Variants in SLC5A6 observed in about 807,000 individuals in gnomAD.
SLC5A6 encodes sodium-dependent multivitamin transporter.
A neutral mutation model predicts 67.9 loss-of-function variants in SLC5A6; 31 were observed. The observed-to-expected ratio is 0.46, with a 90% CI of 0.34 to 0.62. SLC5A6 has a LOEUF of 0.62. SLC5A6 is among the 20% of genes least tolerant of loss of function. SLC5A6 has a pLI of 0.01. For missense variants in SLC5A6, 673 were observed against 812.8 expected (o/e 0.83, Z 2.09); for synonymous variants, 343 against 331.0 (o/e 1.04, Z -0.39).
In SLC5A6 at chr2:27,200,690, C is replaced by T. The variant is rs147798014; in HGVS notation, c.1765-111G>A. 3.9e-3 allele frequency: 3,735 copies of T among 948,826 alleles called. 43 individuals carry two copies. Among genetic ancestry groups the T allele is most frequent in the African/African-American group, 0.022 (1,305 of 58,442 alleles). 58.8% of individuals were successfully genotyped at this position (948,826 alleles called of 1,614,324 possible). On this transcript the variant is annotated intron_variant, in intron 16 of 16. Transcript: ENST00000310574. ...GAAGGGAGCCCAGCAAGGCTGGGTT[C>T]GGGAGGGAGAGCAGGGGGAAAAGAG... is the stretch of plus-strand genomic sequence containing the variant.
intron 2 of SLC5A6, among the ~76,000 whole-genome samples, chr2:27,211,176 C>T (rs780393392): frequency 1.3e-5 from 2 of 152,244 alleles, no homozygotes; most frequent in African/African-American, 2.4e-5. Context: ...GCCTATAATT[C>T]CTCAAGGTGT....
intron 1 of SLC5A6, chr2:27,211,742 T>G (rs897785335): frequency 1.2e-5 from 2 of 166,478 alleles, no homozygotes; most frequent in African/African-American, 4.8e-5. Context: ...CGCTTCCCTC[T>G]ACGCGGCGGA....
At position 27,200,274 on chromosome 2, in the gene SLC5A6, T is replaced by C; in HGVS notation, c.*162A>G. 3 of 584,570 alleles carry C rather than the reference T, an allele frequency of 5.1e-6. No homozygotes were observed. Among genetic ancestry groups the C allele is most frequent in the Non-Finnish European group, 8.3e-6 (3 of 360,486 alleles). The allele number at this position is 584,570 out of a possible 1,614,324, so 36.2% of individuals were successfully genotyped here. On this transcript the variant is annotated 3_prime_UTR_variant, in exon 17 of 17. Coordinates refer to ENST00000310574, the MANE Select transcript of SLC5A6 (RefSeq NM_021095.4). ...CCTCACATGCTTGAGATGTGACAGC[T>C]TCTCCTGCAGGCAAGAACCTCTCAG...
rs1286227497 is a variant in SLC5A6, at chr2:27,207,790, G to C, written c.-140C>G. On this transcript the variant is annotated splice_region_variant and 5_prime_UTR_variant, in exon 3 of 17. Coordinates refer to ENST00000310574, the MANE Select transcript of SLC5A6 (RefSeq NM_021095.4). This position sits in a 1 kb window ranked among gnomAD's most constrained non-coding sequence, Gnocchi z 5.5. ...CACGGAGTGATACTGTCCAGGGTGA[G>C]CTGCAAAGGAATTAGCTCTTAGTGA... 5 of 781,372 alleles carry C rather than the reference G, an allele frequency of 6.4e-6. No homozygotes were observed. In the East Asian group the frequency reaches 8.0e-5, roughly 12 times the overall value. 48.4% of individuals were successfully genotyped at this position (781,372 alleles called of 1,614,324 possible). A position where few individuals can be genotyped will look rare whatever the true frequency, so the allele number is the denominator to read the frequency against.
intron 1 of SLC5A6, 68 bp downstream of exon 1, chr2:27,211,952 G>A (rs183169704): frequency 0.049 from 23,289 of 478,990 alleles, 912 homozygotes; most frequent in African/African-American, 0.082. Flanking sequence ...GCCCTGGCCG[G>A]GAGCCCGCGG....
In SLC5A6 at chr2:27,202,792, C is replaced by T. The variant is rs771000429; in HGVS notation, c.1275+21G>A. On this transcript the variant is annotated intron_variant, in intron 12 of 16. Coordinates refer to ENST00000310574, the MANE Select transcript of SLC5A6 (RefSeq NM_021095.4). ...TTCCTTCTCTCCCTTAAAATTGCTT[C>T]CTACCCTCTATAGTTATTACCTGCA... is the stretch of plus-strand genomic sequence containing the variant. 6.8e-6 allele frequency: 11 copies of T among 1,607,240 alleles called. No individual in the cohort carries two copies. The South Asian group carries it at 1.1e-4, about 16-fold the overall frequency.
At chr2:27,209,735 C>T (rs542304503) in intron 2 of SLC5A6, among the ~76,000 whole-genome samples, 1 of 152,290 alleles carries the variant, frequency 6.6e-6, no homozygotes, top group African/African-American at 2.4e-5. Flanking sequence ...GCTGCCTTTC[C>T]GCTCTCCCAC....
chr2:27,212,626 CACGTCGTGCA>C, upstream of SLC5A6: 1 of 1,414,632 alleles, frequency 7.1e-7, no homozygotes, highest in East Asian at 2.7e-5. Flanking sequence ...CCCAAGTACT[CACGTCGTGCA>C]GGCCTTCGGC....
At chr2:27,210,001 G>A (rs917820950) in intron 2 of SLC5A6, among the ~76,000 whole-genome samples, 1 of 152,144 alleles carries the variant, frequency 6.6e-6, no homozygotes, top group Non-Finnish European at 1.5e-5. Flanking sequence ...AGAGATGATG[G>A]GAACTACTGG....
rs1572392897 is a variant in SLC5A6 at position 27,205,957 on chromosome 2, C to T, written c.579+69G>A. On this transcript the variant is annotated intron_variant, in intron 6 of 16. Transcript: ENST00000310574. ...ATATTCTCAGCTTATCTCTTCTTTT[C>T]CTTCTCTTCCCATGTCCCCTCCTTA... 5.1e-6 allele frequency: 6 copies of T among 1,175,060 alleles called. No homozygotes were observed. The East Asian group carries it at 1.4e-4, about 28-fold the overall frequency. The allele number at this position is 1,175,060 out of a possible 1,614,324, so 72.8% of individuals were successfully genotyped here. A position where few individuals can be genotyped will look rare whatever the true frequency, so the allele number is the denominator to read the frequency against.
chr2:27,209,774 C>A (rs6547496), intron 2 of SLC5A6, among the ~76,000 whole-genome samples: 8,170 of 152,300 alleles, frequency 0.054, 249 homozygotes, highest in African/African-American at 0.075. Flanking sequence ...CACTGGCTGG[C>A]TGGCAAGATA....
chr2:27,201,553 CA>C, intron 14 of SLC5A6, 100 bp from the exon 15 acceptor site: 1 of 1,351,014 alleles, frequency 7.4e-7, no homozygotes, highest in Non-Finnish European at 1.0e-6. Context: ...TCTTGGGACC[CA>C]ATACCCAACA....
intron 2 of SLC5A6, among the ~76,000 whole-genome samples, chr2:27,211,149 T>A (rs1297702054): frequency 2.6e-5 from 4 of 152,338 alleles, no homozygotes; most frequent in Admixed American, 2.6e-4. Flanking sequence ...AAAGATTCCC[T>A]CAAAATCTGT....
intron 2 of SLC5A6, chr2:27,208,638 GGCAGAGTTGCCTGGAGCT>G (rs1674254778): frequency 1.3e-5 from 2 of 152,910 alleles, no homozygotes; most frequent in African/African-American, 4.8e-5. Context: ...CCTGTTCTGA[GGCAGAGTTGCCTGGAGCT>G]GCAGAGCTGA....
chr2:27,204,677 C>T (rs1673917149), intron 8 of SLC5A6, 87 bp from the exon 9 acceptor site: 13 of 1,598,708 alleles, frequency 8.1e-6, no homozygotes, highest in Middle Eastern at 3.3e-4. Context: ...AGGAGACCCA[C>T]ATCCTGACCA....
At position 27,202,879 on chromosome 2, in the gene SLC5A6, G is replaced by C. The variant is rs554339311; in HGVS notation, c.1209C>G (p.Ala403=). ...ARAIMLSRGL[A]FGYGLLCLGM... is the part of the protein sequence containing the mutation. Reference sequence around the variant, plus strand: ...CTAGACAAAGCAGCCCATAGCCAAAGGCTGGGGGAAAAGGACAGGAGAGGA... The same window carrying C: ...CTAGACAAAGCAGCCCATAGCCAAACGCTGGGGGAAAAGGACAGGAGAGGA... Residue 403 remains alanine (A), a splice_region_variant and synonymous_variant, in exon 12 of 17, where the codon GCC becomes GCG. Coordinates refer to ENST00000310574, the MANE Select transcript of SLC5A6 (RefSeq NM_021095.4). 6.2e-7 allele frequency: 1 copy of C among 1,613,790 alleles called. No individual in the cohort carries two copies. The highest frequency in any genetic ancestry group is 1.3e-5 in the African/African-American group (1 of 75,012).
chr2:27,203,972 A>G, intron 9 of SLC5A6, 105 bp from the exon 10 acceptor site: 1 of 792,136 alleles, frequency 1.3e-6, no homozygotes, highest in Non-Finnish European at 2.1e-6. Context: ...GTCTACCGAG[A>G]CTGGGTGCAT....
intron 6 of SLC5A6, 109 bp downstream of exon 6, chr2:27,205,917 C>A: frequency 1.2e-6 from 1 of 818,940 alleles, no homozygotes; most frequent in Non-Finnish European, 2.0e-6. Flanking sequence ...AGAATTTCAC[C>A]TATTCTCCTC....
rs1674094368 is a variant in SLC5A6 at position 27,206,729 on chromosome 2, GC to G, written c.459+147del. The G allele has an allele frequency of 3.5e-6, 3 of 851,596 alleles. No homozygotes were observed. The African/African-American group carries it at 5.0e-5, about 14-fold the overall frequency. The allele number at this position is 851,596 out of a possible 1,614,324, so 52.8% of individuals were successfully genotyped here. A position where few individuals can be genotyped will look rare whatever the true frequency, so the allele number is the denominator to read the frequency against. ...AATTGGAAGGCATGGGCAGCAGGAT[GC>G]CTCTGGGGTCCTCACAGATGCTAAC... On this transcript the variant is annotated intron_variant, in intron 4 of 16. Transcript: ENST00000310574.
Sources: gnomAD v4.1 joint callset for allele counts (sites outside exome capture counted in the v4.1 genomes callset) on GRCh38, gnomAD v4.1.1 for gene constraint, Gnocchi (gnomAD v3.1) non-coding constraint, MANE v1.5 for transcripts, NCBI Gene and HGNC (gene_info 2026-07-23, HGNC 2026-07-21) for gene names.